Variants in CTNND2 observed in about 807,000 individuals in gnomAD.
CTNND2 encodes the protein catenin delta-2.
CTNND2 carries 22 observed loss-of-function variants against 144.4 expected under a neutral mutation model. The ratio of observed to expected loss-of-function variants is 0.15; its 90% CI spans 0.11 to 0.22. The LOEUF (loss-of-function observed/expected upper bound fraction) is 0.22, where lower values mean the gene tolerates loss of function less well. Ranked by LOEUF, CTNND2 falls within the 10% of genes least tolerant of loss-of-function variation. CTNND2 has a pLI of 1.00. For synonymous variants in CTNND2, 751 were observed against 695.6 expected (o/e 1.08, Z -1.25); for missense variants, 1,353 against 1,618.8 (o/e 0.84, Z 2.82).
At chr5:11,156,579 A>G (rs912945348) in intron 12 of CTNND2, among the ~76,000 whole-genome samples, 3 of 152,250 alleles carry the variant, frequency 2.0e-5, no homozygotes, top group Non-Finnish European at 4.4e-5. Flanking sequence ...ATATCAACTC[A>G]TCTTAAAGTC....
intron 13 of CTNND2, among the ~76,000 whole-genome samples, chr5:11,111,878 G>A (rs1428807828): frequency 2.7e-5 from 4 of 148,316 alleles, no homozygotes; most frequent in African/African-American, 5.0e-5. Context: ...ACGGAGTCTC[G>A]CTTTGTCGCC....
At chr5:11,113,098 G>A (rs1013898044) in intron 13 of CTNND2, among the ~76,000 whole-genome samples, 1 of 152,044 alleles carries the variant, frequency 6.6e-6, no homozygotes, top group African/African-American at 2.4e-5. Context: ...CCAAGATTGC[G>A]CCACTGCACT....
intron 16 of CTNND2, among the ~76,000 whole-genome samples, chr5:11,066,323 C>A (rs184500922): frequency 1.0e-3 from 154 of 152,378 alleles, no homozygotes; most frequent in African/African-American, 3.6e-3. Flanking sequence ...CAGGCATGCG[C>A]CACCGCGCCC....
chr5:11,028,911 T>C (rs964936163), intron 16 of CTNND2, among the ~76,000 whole-genome samples: 8 of 152,216 alleles, frequency 5.3e-5, no homozygotes, highest in African/African-American at 9.6e-5. Context: ...GGTGTCACTA[T>C]GTTGGCCAGG....
At chr5:11,078,860 AC>A (rs1316354091) in intron 16 of CTNND2, among the ~76,000 whole-genome samples, 1 of 152,246 alleles carries the variant, frequency 6.6e-6, no homozygotes, top group Non-Finnish European at 1.5e-5. Context: ...TACACAATTC[AC>A]AGATAACCCT....
intron 3 of CTNND2, among the ~76,000 whole-genome samples, chr5:11,488,350 T>A (rs1366051567): frequency 1.3e-5 from 2 of 152,160 alleles, no homozygotes; most frequent in Non-Finnish European, 2.9e-5. Flanking sequence ...AACCATGTCA[T>A]GTCATATCTC....
At chr5:11,272,515 CA>C (rs1746126392) in intron 9 of CTNND2, among the ~76,000 whole-genome samples, 1 of 152,160 alleles carries the variant, frequency 6.6e-6, no homozygotes, top group Non-Finnish European at 1.5e-5. Flanking sequence ...AAATGCCAAA[CA>C]AAACCCAATT....
chr5:11,053,299 A>G (rs1224603618), intron 16 of CTNND2, among the ~76,000 whole-genome samples: 1 of 152,240 alleles, frequency 6.6e-6, no homozygotes, highest in Non-Finnish European at 1.5e-5. Flanking sequence ...GGTGCTATGA[A>G]TGAAACAGAT....
chr5:11,323,890 C>G (rs531854738), intron 9 of CTNND2, among the ~76,000 whole-genome samples: 1 of 152,012 alleles, frequency 6.6e-6, no homozygotes, highest in African/African-American at 2.4e-5. Flanking sequence ...AGGTCCTAGC[C>G]AGGAACAGGA....
chr5:11,791,369 C>T (rs933953397), intron 1 of CTNND2, among the ~76,000 whole-genome samples: 118 of 152,174 alleles, frequency 7.8e-4, no homozygotes, highest in African/African-American at 2.8e-3. Context: ...GACCGTGCAA[C>T]AAGAAAATGC....
intron 3 of CTNND2, among the ~76,000 whole-genome samples, chr5:11,549,032 A>C (rs1483026955): frequency 6.6e-6 from 1 of 152,196 alleles, no homozygotes; most frequent in East Asian, 1.9e-4. Context: ...GTTAATTTAA[A>C]TTTAATTTCT....
chr5:11,132,473 C>T (rs1049311449), intron 12 of CTNND2, among the ~76,000 whole-genome samples: 9 of 152,226 alleles, frequency 5.9e-5, no homozygotes, highest in Non-Finnish European at 7.4e-5. Context: ...AAGGGGACTC[C>T]GAGACTCTTT....
At chr5:11,750,225 T>C (rs1309428736) in intron 1 of CTNND2, among the ~76,000 whole-genome samples, 1 of 151,942 alleles carries the variant, frequency 6.6e-6, no homozygotes, top group Admixed American at 6.6e-5. Context: ...TGTTATGACT[T>C]GTTTTGGTTA....
chr5:11,116,751 G>A (rs1443213355), intron 13 of CTNND2, among the ~76,000 whole-genome samples: 2 of 152,128 alleles, frequency 1.3e-5, no homozygotes, highest in Admixed American at 1.3e-4. Context: ...AAGTTTATAA[G>A]AATATGGGAT....
chr5:11,170,491 C>A (rs1002264626), intron 11 of CTNND2, among the ~76,000 whole-genome samples: 11 of 152,134 alleles, frequency 7.2e-5, no homozygotes, highest in African/African-American at 2.2e-4. Context: ...TTAAAAAGAA[C>A]TTTCAGCTTT....
At chr5:11,513,082 G>C (rs962851316) in intron 3 of CTNND2, among the ~76,000 whole-genome samples, 1 of 152,058 alleles carries the variant, frequency 6.6e-6, no homozygotes, top group Non-Finnish European at 1.5e-5. Context: ...TCAAAAACAT[G>C]TTAGTCTGCA....
At chr5:11,400,846 T>C (rs753975692) in intron 5 of CTNND2, among the ~76,000 whole-genome samples, 2 of 152,238 alleles carry the variant, frequency 1.3e-5, no homozygotes, top group Admixed American at 6.5e-5. Context: ...GTCACAGACA[T>C]GGTAACATGA....
intron 1 of CTNND2, among the ~76,000 whole-genome samples, chr5:11,832,949 T>C (rs1793984759): frequency 6.6e-6 from 1 of 151,048 alleles, no homozygotes; most frequent in African/African-American, 2.4e-5. Context: ...TCTAAATAAA[T>C]AAACACAGGA....
chr5:11,354,147 C>T (rs372996165), intron 8 of CTNND2, among the ~76,000 whole-genome samples: 4 of 152,182 alleles, frequency 2.6e-5, no homozygotes, highest in African/African-American at 9.7e-5. Flanking sequence ...TGTGGTTTCA[C>T]ACGAGGCTCA....
Sources: gnomAD v4.1 joint callset for allele counts (sites outside exome capture counted in the v4.1 genomes callset) on GRCh38, gnomAD v4.1.1 for gene constraint, MANE v1.5 for transcripts, NCBI Gene and HGNC (gene_info 2026-07-23, HGNC 2026-07-21) for gene names.